Variants in THSD7B observed in about 807,000 individuals in gnomAD.
THSD7B encodes thrombospondin type-1 domain-containing protein 7B.
THSD7B carries 138 observed loss-of-function variants against 213.6 expected under a neutral mutation model. The observed-to-expected ratio is 0.65, with a 90% CI of 0.56 to 0.74. THSD7B has a LOEUF of 0.74. Among genes scored for constraint, THSD7B ranks in the 30% least tolerant of loss-of-function variants. The pLI is 0.00. For synonymous variants in THSD7B, 742 were observed against 687.0 expected (o/e 1.08, Z -1.25); for missense variants, 1,931 against 1,991.5 (o/e 0.97, Z 0.58).
intron 2 of THSD7B, among the ~76,000 whole-genome samples, chr2:136,973,181 T>G (rs1026605257): frequency 6.6e-6 from 1 of 152,180 alleles, no homozygotes; most frequent in Non-Finnish European, 1.5e-5. Context: ...ATTCCTTATT[T>G]TGTATTATAA....
intron 17 of THSD7B, 69 bp downstream of exon 17, chr2:137,572,625 C>A: frequency 1.9e-6 from 3 of 1,551,358 alleles, no homozygotes; most frequent in Middle Eastern, 3.4e-4. Flanking sequence ...GTTGTGCATT[C>A]ACAGTGCTAG....
chr2:137,616,199 A>G lies in THSD7B; in HGVS notation c.3448A>G (p.Arg1150Gly), dbSNP rs1682383202. 2 of 1,613,686 alleles carry G rather than the reference A, an allele frequency of 1.2e-6. No homozygotes were observed. Among genetic ancestry groups the G allele is most frequent in the Non-Finnish European group, 1.7e-6 (2 of 1,179,758 alleles). ...GTCATGCGATCCCCACACAATGCAG[A>G]GAAGAACTCGCCACCTGCTAAGACC... ...PQSCDPHTMQ[R>G]RTRHLLRPSL... The change falls in exon 18 of 28, where the codon AGA becomes GGA. Residue 1150 changes from arginine (R) to glycine (G), a missense_variant. Coordinates refer to ENST00000409968, the MANE Select transcript of THSD7B (RefSeq NM_001316349.2).
Position 136,772,276 on chromosome 2 carries a change from C to T in THSD7B, c.-36+6589C>T, listed in dbSNP as rs1558800059. Among the ~76,000 whole-genome samples the T allele has an allele frequency of 2.6e-5, 4 of 152,244 alleles. No individual in the cohort carries two copies. The South Asian group carries it at 8.3e-4, about 32-fold the overall frequency. On this transcript the variant is annotated intron_variant, in intron 1 of 27. Coordinates refer to ENST00000409968, the MANE Select transcript of THSD7B (RefSeq NM_001316349.2). ...ACACACACTTACCTACTGCCAAGGC[C>T]TCTATAGTCAATGGAGATGACTGAC...
chr2:137,360,583 G>A lies in THSD7B; in HGVS notation c.2501-45030G>A, dbSNP rs570348889. ...TTATATCCCTTGCCTGGCTCAGTGG[G>A]TGCCAAACCCACAGAGCCTTGCTCA... On this transcript the variant is annotated intron_variant, in intron 12 of 27. Coordinates refer to ENST00000409968, the MANE Select transcript of THSD7B (RefSeq NM_001316349.2). Among the ~76,000 whole-genome samples, 20 of 152,288 alleles carry A rather than the reference G, an allele frequency of 1.3e-4. No individual in the cohort carries two copies. The East Asian group carries it at 3.5e-3, about 27-fold the overall frequency.
intron 1 of THSD7B, among the ~76,000 whole-genome samples, chr2:136,861,247 T>G (rs1683255350): frequency 6.6e-6 from 1 of 152,202 alleles, no homozygotes. Context: ...AAGTCTCATT[T>G]TAGGGTCTCA....
At chr2:137,294,583 C>CAAAAAAAAAAAAAAAAAAAAAAAAAAAA (rs1210363889) in intron 12 of THSD7B, among the ~76,000 whole-genome samples, 18 of 73,220 alleles carry the variant, frequency 2.5e-4, no homozygotes, top group African/African-American at 6.9e-4. Context: ...AACTCCATCT[C>CAAAAAAAAAAAAAAAAAAAAAAAAAAAA]AAAAAAAAAA....
intron 1 of THSD7B, among the ~76,000 whole-genome samples, chr2:136,819,690 C>CT (rs1682539314): frequency 6.6e-6 from 1 of 152,050 alleles, no homozygotes; most frequent in African/African-American, 2.4e-5. Context: ...GCTTATGCCC[C>CT]CCCCAGTCCA....
intron 12 of THSD7B, among the ~76,000 whole-genome samples, chr2:137,314,856 C>T (rs1558754511): frequency 6.6e-6 from 1 of 152,222 alleles, no homozygotes; most frequent in Admixed American, 6.5e-5. Context: ...AGGTGGCAGT[C>T]TGCCCGTTCT....
intron 13 of THSD7B, among the ~76,000 whole-genome samples, 193 bp from the exon 14 acceptor site, chr2:137,411,416 T>G (rs903656812): frequency 6.6e-6 from 1 of 152,240 alleles, no homozygotes; most frequent in African/African-American, 2.4e-5. Context: ...TTTTTTCAAA[T>G]TAACTTGAAT....
intron 1 of THSD7B, among the ~76,000 whole-genome samples, chr2:136,795,103 A>G (rs1682038161): frequency 6.6e-6 from 1 of 151,980 alleles, no homozygotes; most frequent in Admixed American, 6.6e-5. Context: ...TGCTGATGCG[A>G]CAAACTGTCA....
At chr2:137,166,326 C>A (rs1680128113) in intron 6 of THSD7B, among the ~76,000 whole-genome samples, 1 of 152,066 alleles carries the variant, frequency 6.6e-6, no homozygotes, top group Non-Finnish European at 1.5e-5. Context: ...AGAGAATTAG[C>A]CTGAAAAAAT....
intron 7 of THSD7B, among the ~76,000 whole-genome samples, chr2:137,230,014 ATGT>A (rs1681601979): frequency 6.6e-6 from 1 of 152,156 alleles, no homozygotes; most frequent in East Asian, 1.9e-4. Flanking sequence ...TTCATGTTTT[ATGT>A]TGTTATTTCA....
chr2:136,792,561 A>C (rs1681987852), intron 1 of THSD7B, among the ~76,000 whole-genome samples: 1 of 152,026 alleles, frequency 6.6e-6, no homozygotes, highest in Non-Finnish European at 1.5e-5. Context: ...AGATTGTGAC[A>C]AATGTACCAC....
At chr2:137,213,510 ATATT>A (rs1296820804) in intron 7 of THSD7B, among the ~76,000 whole-genome samples, 1 of 148,866 alleles carries the variant, frequency 6.7e-6, no homozygotes, top group African/African-American at 2.4e-5. Flanking sequence ...TATGCTATAT[ATATT>A]CTATATAATT....
chr2:137,053,545 A>G (rs1474265914), intron 2 of THSD7B, among the ~76,000 whole-genome samples: 3 of 151,488 alleles, frequency 2.0e-5, no homozygotes, highest in Non-Finnish European at 4.4e-5. Flanking sequence ...CAAAAAAGAG[A>G]TAGCTTATTT....
intron 12 of THSD7B, among the ~76,000 whole-genome samples, chr2:137,346,833 C>T (rs538716873): frequency 1.3e-5 from 2 of 151,662 alleles, no homozygotes; most frequent in African/African-American, 4.8e-5. Flanking sequence ...ATTCATTGGT[C>T]GACATTTAGG....
intron 15 of THSD7B, among the ~76,000 whole-genome samples, chr2:137,459,673 A>G (rs749796880): frequency 2.4e-4 from 36 of 152,072 alleles, no homozygotes; most frequent in Non-Finnish European, 4.4e-4. Context: ...TTTAAAGAAA[A>G]AAAAAAAGAT....
chr2:137,558,495 C>T (rs1681034846), intron 15 of THSD7B, among the ~76,000 whole-genome samples: 1 of 152,102 alleles, frequency 6.6e-6, no homozygotes. Flanking sequence ...CAGAAAAGGC[C>T]TTCAACATAA....
At position 137,411,779 on chromosome 2, in the gene THSD7B, A is replaced by G. The variant is rs760148029; in HGVS notation, c.2866A>G (p.Ser956Gly). 7.4e-6 allele frequency: 12 copies of G among 1,613,860 alleles called. No homozygotes were observed. The South Asian group carries it at 1.3e-4, about 18-fold the overall frequency. The change falls in exon 14 of 28, where the codon AGC (serine) becomes GGC (glycine). Residue 956 changes from serine to glycine, a missense_variant. Physicochemically the swap from Ser to Gly is moderately conservative, Grantham distance 56. Coordinates refer to ENST00000409968, the MANE Select transcript of THSD7B (RefSeq NM_001316349.2). ...CCGAGGACTGCGGGTACAAGCAGAC[A>G]GCAAAGAATGTGGAGAAGGCCTGCG... ...PHRGLRVQADSKECGEGLRFR... is the reference protein window; with the variant it reads ...PHRGLRVQADGKECGEGLRFR...
Sources: allele counts gnomAD v4.1 joint callset (sites outside exome capture counted in the v4.1 genomes callset), GRCh38; gene constraint gnomAD v4.1.1; transcripts MANE v1.5; gene names NCBI Gene and HGNC (gene_info 2026-07-23, HGNC 2026-07-21).